The following CPNE8 variants were observed in gnomAD, a reference collection of about 807,000 sequenced individuals.
CPNE8 encodes copine-8.
A neutral mutation model predicts 81.5 loss-of-function variants in CPNE8; 45 were observed. That is an observed-to-expected ratio of 0.55 (90% CI 0.44 to 0.71). The LOEUF is 0.71. Ranked by LOEUF, CPNE8 falls within the 30% of genes least tolerant of loss-of-function variation. The pLI is 0.00. For synonymous variants in CPNE8, 252 were observed against 226.3 expected (o/e 1.11, Z -1.02); for missense variants, 594 against 672.1 (o/e 0.88, Z 1.28).
At chr12:38,669,733 A>G (rs1216092492) in intron 19 of CPNE8, among the ~76,000 whole-genome samples, 2 of 152,186 alleles carry the variant, frequency 1.3e-5, no homozygotes, top group Non-Finnish European at 2.9e-5. Flanking sequence ...AAAGTCTCTT[A>G]GGCAACTGCC....
intron 6 of CPNE8, among the ~76,000 whole-genome samples, chr12:38,814,035 T>C (rs530191905): frequency 6.6e-6 from 1 of 152,176 alleles, no homozygotes; most frequent in South Asian, 2.1e-4. Context: ...AGCTGAGTAG[T>C]TGTACAAGAA....
rs1938738543 is a variant in CPNE8, at chr12:38,653,189, C to T, written c.*693G>A. 1 of 152,494 alleles carries T rather than the reference C, an allele frequency of 6.6e-6. No individual in the cohort carries two copies. Among genetic ancestry groups the T allele is most frequent in the Non-Finnish European group, 1.5e-5 (1 of 68,022 alleles). The allele number at this position is 152,494 out of a possible 1,614,324, so 9.4% of individuals were successfully genotyped here. On this transcript the variant is annotated 3_prime_UTR_variant, in exon 20 of 20. Transcript: ENST00000331366. Reference sequence around the variant, plus strand: ...CCAACTGCAGTCTAAATTTAGAACCCAAACTCCATGAAAAATGCATGTTCA... The same window carrying T: ...CCAACTGCAGTCTAAATTTAGAACCTAAACTCCATGAAAAATGCATGTTCA...
At chr12:38,863,985 T>C (rs1283649250) in intron 3 of CPNE8, among the ~76,000 whole-genome samples, 1 of 149,494 alleles carries the variant, frequency 6.7e-6, no homozygotes, top group African/African-American at 2.5e-5. Context: ...ATCCGGGCGA[T>C]GGAGCTTGCA....
intron 9 of CPNE8, among the ~76,000 whole-genome samples, chr12:38,761,684 T>C (rs1193884890): frequency 2.0e-5 from 3 of 152,158 alleles, no homozygotes; most frequent in Non-Finnish European, 4.4e-5. Context: ...AATCTTCAGG[T>C]ATATTGTGGG....
At chr12:38,837,383 G>A (rs568087024) in intron 5 of CPNE8, among the ~76,000 whole-genome samples, 148 of 152,194 alleles carry the variant, frequency 9.7e-4, no homozygotes, top group Admixed American at 1.8e-3. Flanking sequence ...TGAGTTTTAG[G>A]CTTCTGTGGA....
intron 6 of CPNE8, among the ~76,000 whole-genome samples, chr12:38,820,163 T>C (rs999620577): frequency 2.0e-5 from 3 of 152,018 alleles, no homozygotes; most frequent in Non-Finnish European, 4.4e-5. Context: ...TCCCAGCACT[T>C]TGGGAGGCGA....
intron 16 of CPNE8, among the ~76,000 whole-genome samples, chr12:38,683,667 G>C (rs1939461317): frequency 6.6e-6 from 1 of 151,876 alleles, no homozygotes; most frequent in African/African-American, 2.4e-5. Flanking sequence ...TTTCTTTTGT[G>C]GTCTTATACT....
intron 6 of CPNE8, among the ~76,000 whole-genome samples, chr12:38,821,056 T>C (rs1452892806): frequency 6.6e-6 from 1 of 151,882 alleles, no homozygotes; most frequent in African/African-American, 2.4e-5. Context: ...CATACAACCA[T>C]CCTCTACACA....
chr12:38,755,731 A>G (rs897561815), intron 10 of CPNE8, among the ~76,000 whole-genome samples: 10 of 152,198 alleles, frequency 6.6e-5, no homozygotes, highest in Non-Finnish European at 1.5e-4. Context: ...ACCCTTGTCA[A>G]TGTGTTTCAA....
chr12:38,701,710 T>C (rs966347627), intron 14 of CPNE8, among the ~76,000 whole-genome samples: 1 of 152,124 alleles, frequency 6.6e-6, no homozygotes, highest in African/African-American at 2.4e-5. Flanking sequence ...GCCACGCTGG[T>C]CTCAAACTAC....
intron 6 of CPNE8, among the ~76,000 whole-genome samples, chr12:38,795,867 G>GATAGATA (rs1942451420): frequency 1.5e-3 from 216 of 148,254 alleles, no homozygotes; most frequent in East Asian, 6.0e-3. Flanking sequence ...ATGGATGGAT[G>GATAGATA]GATAGATAGA....
intron 6 of CPNE8, among the ~76,000 whole-genome samples, chr12:38,777,426 A>G (rs779500434): frequency 6.6e-6 from 1 of 152,226 alleles, no homozygotes; most frequent in African/African-American, 2.4e-5. Context: ...AAGTAAAAAC[A>G]TTATAGTAAG....
intron 19 of CPNE8, among the ~76,000 whole-genome samples, chr12:38,664,405 T>A (rs1185117281): frequency 2.6e-5 from 4 of 152,128 alleles, no homozygotes; most frequent in African/African-American, 9.6e-5. Flanking sequence ...TTTCTATTCA[T>A]TAACTTACAC....
At chr12:38,905,899 G>C, upstream of CPNE8, 2 of 985,356 alleles carry the variant, frequency 2.0e-6, no homozygotes, top group Non-Finnish European at 2.4e-6. Flanking sequence ...GGTGGCACCA[G>C]ACGCAGACCC....
intron 3 of CPNE8, among the ~76,000 whole-genome samples, chr12:38,854,245 T>A (rs933703523): frequency 6.6e-6 from 1 of 151,790 alleles, no homozygotes; most frequent in Non-Finnish European, 1.5e-5. Context: ...ATTCTCATAC[T>A]CTTCCTCTTG....
chr12:38,677,676 G>A, intron 16 of CPNE8, 122 bp from the exon 17 acceptor site: 1 of 638,212 alleles, frequency 1.6e-6, no homozygotes, highest in Non-Finnish European at 2.8e-6. Context: ...CATGTTAGAG[G>A]TATATCTTAT....
intron 13 of CPNE8, among the ~76,000 whole-genome samples, chr12:38,710,265 T>TAAAAAAA (rs1294536425): frequency 1.4e-3 from 2 of 1,442 alleles, no homozygotes; most frequent in Admixed American, 7.9e-3. Flanking sequence ...CAAAATAAGC[T>TAAAAAAA]AACAAAAAAA....
At chr12:38,764,840 T>A (rs76040652) in intron 8 of CPNE8, among the ~76,000 whole-genome samples, 2 of 151,576 alleles carry the variant, frequency 1.3e-5, no homozygotes, top group Non-Finnish European at 2.9e-5. Context: ...GCTAAATAGA[T>A]GATATCTAGA....
At chr12:38,858,905 ATTCTACAACCT>A (rs1943787312) in intron 3 of CPNE8, among the ~76,000 whole-genome samples, 1 of 152,256 alleles carries the variant, frequency 6.6e-6, no homozygotes, top group African/African-American at 2.4e-5. Context: ...ACTGGACAAA[ATTCTACAACCT>A]TTCTTGATGA....
Sources: gnomAD v4.1 joint callset for allele counts (sites outside exome capture counted in the v4.1 genomes callset) on GRCh38, gnomAD v4.1.1 for gene constraint, MANE v1.5 for transcripts, NCBI Gene and HGNC (gene_info 2026-07-23, HGNC 2026-07-21) for gene names.